STK3: variants seen among roughly 807,000 people sequenced by gnomAD.
STK3 encodes serine/threonine-protein kinase 3.
In STK3, 41 loss-of-function variants were observed where a neutral mutation model predicts 58.0. The observed-to-expected ratio is 0.71, with a 90% CI of 0.55 to 0.92. The LOEUF is 0.92. STK3 is among the 40% of genes least tolerant of loss of function. The probability of loss-of-function intolerance (pLI) is 0.00; values close to 1 mark genes in which losing one functional copy is unlikely to be tolerated. For missense variants in STK3, 479 were observed against 602.7 expected (o/e 0.79, Z 2.15); for synonymous variants, 170 against 191.0 (o/e 0.89, Z 0.91).
rs139892660 is a variant in STK3, at chr8:98,445,548, A to C, written n.186-8340T>G. 7.4e-3 allele frequency among the ~76,000 whole-genome samples: 1,123 copies of C among 152,186 alleles called. 10 individuals are homozygous for C. The highest frequency in any genetic ancestry group is 0.024 in the Middle Eastern group (7 of 294). Reference sequence around the variant, plus strand: ...TTTTCACAGTAAAATATCGTATGTCATATCTTTTCTCATTTGTTCTTAATT... The same window carrying C: ...TTTTCACAGTAAAATATCGTATGTCCTATCTTTTCTCATTTGTTCTTAATT... On this transcript the variant is annotated intron_variant and non_coding_transcript_variant, in intron 1 of 3. Transcript: ENST00000517832.
intron 3 of STK3, among the ~76,000 whole-genome samples, chr8:98,410,524 G>A (rs1818042806): frequency 6.6e-6 from 1 of 152,208 alleles, no homozygotes; most frequent in African/African-American, 2.4e-5. Context: ...TGACTCAGAT[G>A]CTTTTTTGGA....
chr8:98,743,947 A>C (rs1229475987), intron 4 of STK3, among the ~76,000 whole-genome samples: 1 of 152,228 alleles, frequency 6.6e-6, no homozygotes, highest in African/African-American at 2.4e-5. Context: ...TCTCAAAAGA[A>C]GACATTTATG....
intron 3 of STK3, among the ~76,000 whole-genome samples, chr8:98,851,441 C>T (rs567955512): frequency 1.3e-5 from 2 of 152,188 alleles, no homozygotes; most frequent in African/African-American, 2.4e-5. Context: ...ATTCTCTGAG[C>T]ATCTTATCTT....
At chr8:98,720,750 C>CAAAAAAAAAAAAAA (rs35529460) in intron 4 of STK3, among the ~76,000 whole-genome samples, 1 of 94,770 alleles carries the variant, frequency 1.1e-5, no homozygotes. Context: ...GACTCCGTCT[C>CAAAAAAAAAAAAAA]AAAAAAAAAA....
intron 9 of STK3, among the ~76,000 whole-genome samples, chr8:98,533,771 T>G (rs1809523520): frequency 6.6e-6 from 1 of 152,218 alleles, no homozygotes. Context: ...ATCACAGGTG[T>G]GGGCCACCAT....
At chr8:98,562,156 A>G (rs1476070396) in intron 8 of STK3, among the ~76,000 whole-genome samples, 1 of 152,170 alleles carries the variant, frequency 6.6e-6, no homozygotes, top group Non-Finnish European at 1.5e-5. Context: ...ATGATCCTAG[A>G]TACTTACTCA....
rs1005039321 is a variant in STK3, at chr8:98,803,973, T to C, written c.26+21542A>G. ...AGCTGACATTTATTAGGTTCTTTTTTTGGCATTGTGCTGACACTTAACAAG... is the reference window on the plus strand; with the variant it reads ...AGCTGACATTTATTAGGTTCTTTTTCTGGCATTGTGCTGACACTTAACAAG... On this transcript the variant is annotated intron_variant, in intron 1 of 10. Transcript: ENST00000419617. Among the ~76,000 whole-genome samples, 13 of 152,274 alleles carry C rather than the reference T, an allele frequency of 8.5e-5. No individual in the cohort carries two copies. The East Asian group carries it at 2.1e-3, about 25-fold the overall frequency.
intron 3 of STK3, among the ~76,000 whole-genome samples, chr8:98,855,774 A>T (rs1836645377): frequency 6.6e-6 from 1 of 152,064 alleles, no homozygotes; most frequent in Non-Finnish European, 1.5e-5. Context: ...TAATCTCACC[A>T]CTTTGGGAGG....
intron 1 of STK3, among the ~76,000 whole-genome samples, chr8:98,812,494 TCTAGAA>T (rs1198784019): frequency 5.6e-4 from 86 of 152,286 alleles, no homozygotes; most frequent in African/African-American, 2.0e-3. Context: ...TCCTCAAGGA[TCTAGAA>T]CTAGAAGTAC....
Position 98,732,731 on chromosome 8 carries a change from A to G in STK3, c.351+16545T>C, listed in dbSNP as rs148167158. On this transcript the variant is annotated intron_variant, in intron 4 of 10. Coordinates refer to ENST00000419617, the MANE Select transcript of STK3 (RefSeq NM_006281.4). ...CGGCTATAAAACAGACCTCAAAGCA[A>G]TAAGTCCACATTAGAACAAGAAATC... 2.3e-4 allele frequency among the ~76,000 whole-genome samples: 35 copies of G among 152,328 alleles called. No homozygotes were observed. The East Asian group carries it at 3.3e-3, about 14-fold the overall frequency.
Position 98,788,114 on chromosome 8 carries a change from G to A in STK3, c.27-13295C>T, listed in dbSNP as rs1199853906. The stretch of plus-strand genomic sequence containing the variant: ...TGATACCTCACATCTCAATACCAAC[G>A]TTGAATGTAAATAGCCTAAACATTC... On this transcript the variant is annotated intron_variant, in intron 1 of 10. Coordinates refer to ENST00000419617, the MANE Select transcript of STK3 (RefSeq NM_006281.4). Among the ~76,000 whole-genome samples the A allele has an allele frequency of 2.0e-5, 3 of 151,970 alleles. No homozygotes were observed. The East Asian group carries it at 5.8e-4, about 29-fold the overall frequency.
At chr8:98,450,084 C>A (rs1056370584), downstream of STK3, among the ~76,000 whole-genome samples, 4 of 152,168 alleles carry the variant, frequency 2.6e-5, no homozygotes, top group Non-Finnish European at 5.9e-5. Context: ...TATAGCAACA[C>A]AAAATGGACT....
chr8:98,920,583 C>A (rs1390041786), intron 1 of STK3, among the ~76,000 whole-genome samples: 1 of 152,174 alleles, frequency 6.6e-6, no homozygotes, highest in African/African-American at 2.4e-5. Flanking sequence ...TTGGACCTGG[C>A]GGAGTCCATT....
intron 9 of STK3, among the ~76,000 whole-genome samples, chr8:98,538,166 GTTC>G (rs1457492681): frequency 2.0e-5 from 3 of 152,086 alleles, no homozygotes; most frequent in African/African-American, 7.2e-5. Flanking sequence ...TACCTAATTT[GTTC>G]TTCTAAAAAT....
At chr8:98,768,085 T>C (rs557307243) in intron 2 of STK3, among the ~76,000 whole-genome samples, 6 of 152,356 alleles carry the variant, frequency 3.9e-5, no homozygotes, top group Admixed American at 1.3e-4. Context: ...AAGAAGCCAT[T>C]TGTACCTTAG....
chr8:98,592,062 C>G (rs894303813), intron 7 of STK3, among the ~76,000 whole-genome samples: 3 of 152,170 alleles, frequency 2.0e-5, no homozygotes, highest in African/African-American at 7.2e-5. Flanking sequence ...TGTATTATTA[C>G]AGTGCCTCCT....
chr8:98,860,148 G>A (rs1836873216), intron 3 of STK3, among the ~76,000 whole-genome samples: 1 of 152,138 alleles, frequency 6.6e-6, no homozygotes, highest in Admixed American at 6.5e-5. Flanking sequence ...ATGTAGCGGT[G>A]AAAAAGACAA....
chr8:98,528,094 T>C (rs1035850897), intron 9 of STK3, among the ~76,000 whole-genome samples: 7 of 152,210 alleles, frequency 4.6e-5, no homozygotes, highest in African/African-American at 1.7e-4. Context: ...TATAACCCCT[T>C]TTCTCTACTT....
At chr8:98,770,798 A>T (rs7827435) in intron 2 of STK3, among the ~76,000 whole-genome samples, 93,433 of 151,984 alleles carry the variant, frequency 0.61, 29,100 homozygotes, top group South Asian at 0.74. Flanking sequence ...ATCCCAGCAC[A>T]AGAGAAGTGG....
Sources: gnomAD v4.1 joint callset for allele counts (sites outside exome capture counted in the v4.1 genomes callset) on GRCh38, gnomAD v4.1.1 for gene constraint, MANE v1.5 for transcripts, NCBI Gene and HGNC (gene_info 2026-07-23, HGNC 2026-07-21) for gene names.